Variants in RGS8 observed in about 807,000 individuals in gnomAD.
RGS8 encodes the protein regulator of G protein signaling 8.
RGS8 carries 8 observed loss-of-function variants against 21.7 expected under a neutral mutation model. That is an observed-to-expected ratio of 0.37 (90% CI 0.22 to 0.66). RGS8 has a LOEUF of 0.66. Among genes scored for constraint, RGS8 ranks in the 30% least tolerant of loss-of-function variants. The probability of loss-of-function intolerance (pLI) is 0.59; values close to 1 mark genes in which losing one functional copy is unlikely to be tolerated. For missense variants in RGS8, 157 were observed against 217.9 expected (o/e 0.72, Z 1.76); for synonymous variants, 80 against 83.6 (o/e 0.96, Z 0.24).
chr1:182,648,121 GCCGC>G lies in RGS8; in HGVS notation c.360+12_360+15del. 6.3e-7 allele frequency: 1 copy of G among 1,582,304 alleles called. No homozygotes were observed. The highest frequency in any genetic ancestry group is 8.6e-7 in the Non-Finnish European group (1 of 1,160,744). On this transcript the variant is annotated intron_variant, in intron 6 of 6. Transcript: ENST00000483095. ...GGAGCCATGGATAGACAGGATGGTC[GCCGC>G]TGCCAACACACCTCCCGTGGAGCCT... is the stretch of plus-strand genomic sequence containing the variant.
At chr1:182,705,924 T>A in the RGS8 span, among the ~76,000 whole-genome samples, 6 of 152,170 alleles carry the variant, frequency 3.9e-5, no homozygotes, top group East Asian at 9.6e-4. Context: ...CTCTCCTCAG[T>A]GTCAGATTCT....
In RGS8 at chr1:182,660,159, G is replaced by A. The variant is rs560356305; in HGVS notation, c.193+5810C>T. Among the ~76,000 whole-genome samples the A allele has an allele frequency of 3.9e-5, 6 of 152,304 alleles. No individual in the cohort carries two copies. The South Asian group carries it at 8.3e-4, about 21-fold the overall frequency. ...AGTTCCTCTATGGAGAAGTCATCATGATTAGCATTTCAGAACCATGATCAC... is the reference window on the plus strand; with the variant it reads ...AGTTCCTCTATGGAGAAGTCATCATAATTAGCATTTCAGAACCATGATCAC... On this transcript the variant is annotated intron_variant, in intron 5 of 6. Coordinates refer to ENST00000483095, the Ensembl canonical transcript of RGS8.
At chr1:182,696,394 G>A in the RGS8 span, among the ~76,000 whole-genome samples, 1 of 152,102 alleles carries the variant, frequency 6.6e-6, no homozygotes, top group South Asian at 2.1e-4. Context: ...GTCTGGCTCT[G>A]TCACCCAGGC....
intron 5 of RGS8, among the ~76,000 whole-genome samples, chr1:182,649,007 G>A (rs980798596): frequency 2.0e-5 from 3 of 152,094 alleles, no homozygotes; most frequent in Admixed American, 6.5e-5. Context: ...AGCTGAGGTG[G>A]GAGAATTGCT....
At chr1:182,729,760 T>C in the RGS8 span, among the ~76,000 whole-genome samples, 1 of 152,192 alleles carries the variant, frequency 6.6e-6, no homozygotes, top group East Asian at 1.9e-4. Flanking sequence ...AGAACACATA[T>C]TGACATGTAG....
At chr1:182,663,726 A>G (rs368079602) in intron 5 of RGS8, among the ~76,000 whole-genome samples, 1 of 152,108 alleles carries the variant, frequency 6.6e-6, no homozygotes, top group Admixed American at 6.5e-5. Flanking sequence ...ACAGGGTCTC[A>G]CTATGTTTCC....
intron 2 of RGS8, among the ~76,000 whole-genome samples, chr1:182,670,187 G>A (rs1291190872): frequency 6.6e-6 from 1 of 152,244 alleles, no homozygotes; most frequent in Non-Finnish European, 1.5e-5. Flanking sequence ...CCTGTCCCAG[G>A]TGGGAGTGCG....
upstream of RGS8, among the ~76,000 whole-genome samples, chr1:182,684,980 G>T (rs868659317): frequency 6.6e-6 from 1 of 152,104 alleles, no homozygotes; most frequent in South Asian, 2.1e-4. This position sits in a 1 kb window ranked among gnomAD's most constrained non-coding sequence, Gnocchi z 4.2. Flanking sequence ...TCCTGGCCTG[G>T]CTTCAAGGTT....
At chr1:182,659,005 C>T (rs1272324728) in intron 5 of RGS8, among the ~76,000 whole-genome samples, 2 of 152,178 alleles carry the variant, frequency 1.3e-5, no homozygotes, top group Non-Finnish European at 2.9e-5. Flanking sequence ...ATGATCTCTA[C>T]TTCATTAGTA....
intron 5 of RGS8, among the ~76,000 whole-genome samples, chr1:182,662,435 T>C (rs927940999): frequency 3.3e-5 from 5 of 152,180 alleles, no homozygotes; most frequent in Non-Finnish European, 7.4e-5. Flanking sequence ...ATTGTATAGA[T>C]GAAGAAACAG....
chr1:182,671,234 C>A (rs1664143589), intron 2 of RGS8, among the ~76,000 whole-genome samples: 1 of 152,164 alleles, frequency 6.6e-6, no homozygotes, highest in African/African-American at 2.4e-5. Flanking sequence ...TGCTCTCAAC[C>A]ACAGATGCCA....
the RGS8 span, among the ~76,000 whole-genome samples, chr1:182,701,003 A>C: frequency 6.6e-6 from 1 of 152,248 alleles, no homozygotes; most frequent in Non-Finnish European, 1.5e-5. Flanking sequence ...GAATCATTGT[A>C]ACAAATTCAT....
At chr1:182,695,842 TTAAGA>T in the RGS8 span, among the ~76,000 whole-genome samples, 49 of 152,322 alleles carry the variant, frequency 3.2e-4, no homozygotes, top group Middle Eastern at 6.8e-3. Flanking sequence ...GTGCATATGC[TTAAGA>T]TAAATATTGG....
At chr1:182,693,480 G>A in the RGS8 span, among the ~76,000 whole-genome samples, 38 of 152,284 alleles carry the variant, frequency 2.5e-4, no homozygotes, top group African/African-American at 9.1e-4. Flanking sequence ...ATAGATGTTA[G>A]CAACATTGTG....
At chr1:182,726,912 C>CTT in the RGS8 span, among the ~76,000 whole-genome samples, 6 of 151,550 alleles carry the variant, frequency 4.0e-5, no homozygotes, top group African/African-American at 9.7e-5. Context: ...TTGATATAGA[C>CTT]TTTTTTTTAT....
the RGS8 span, among the ~76,000 whole-genome samples, chr1:182,722,934 C>T: frequency 7.2e-3 from 1,097 of 151,764 alleles, 14 homozygotes; most frequent in Middle Eastern, 0.02. Flanking sequence ...GCCCAGATCG[C>T]GCCACTGCAC....
intron 2 of RGS8, 102 bp from the exon 4 acceptor site, chr1:182,669,854 C>T (rs1664068119): frequency 7.8e-7 from 1 of 1,285,826 alleles, no homozygotes; most frequent in South Asian, 1.6e-5. Flanking sequence ...CCTCCCCACA[C>T]ACATCCCCCC....
the RGS8 span, among the ~76,000 whole-genome samples, chr1:182,705,939 C>G: frequency 6.6e-6 from 1 of 152,088 alleles, no homozygotes; most frequent in Non-Finnish European, 1.5e-5. Flanking sequence ...GATTCTGTCC[C>G]CCACTATCCC....
chr1:182,661,306 T>A (rs1557890576), intron 5 of RGS8, among the ~76,000 whole-genome samples: 1 of 151,970 alleles, frequency 6.6e-6, no homozygotes, highest in Non-Finnish European at 1.5e-5. Flanking sequence ...GTGGGATAGG[T>A]CAGGGAGACC....
Sources: allele counts gnomAD v4.1 joint callset (sites outside exome capture counted in the v4.1 genomes callset), GRCh38; gene constraint gnomAD v4.1.1; non-coding constraint Gnocchi (gnomAD v3.1); transcripts MANE v1.5; gene names NCBI Gene and HGNC (gene_info 2026-07-23, HGNC 2026-07-21).